The following RAB3GAP2 variants were observed in gnomAD, a reference collection of about 807,000 sequenced individuals.
RAB3GAP2 encodes rab3 GTPase-activating protein non-catalytic subunit.
A neutral mutation model predicts 185.3 loss-of-function variants in RAB3GAP2; 87 were observed. The observed-to-expected ratio is 0.47, with a 90% CI of 0.39 to 0.56. The LOEUF is 0.56. Ranked by LOEUF, RAB3GAP2 falls within the 20% of genes least tolerant of loss-of-function variation. The pLI, the probability that RAB3GAP2 is intolerant of heterozygous loss-of-function variation, is 0.00. For synonymous variants in RAB3GAP2, 554 were observed against 576.1 expected, an observed-to-expected ratio of 0.96 and a Z score of 0.55; for missense variants, 1,492 against 1,638.2, an observed-to-expected ratio of 0.91 and a Z score of 1.54.
intron 2 of RAB3GAP2, among the ~76,000 whole-genome samples, chr1:220,218,481 T>C (rs192858525): frequency 6.6e-6 from 1 of 152,190 alleles, no homozygotes; most frequent in East Asian, 1.9e-4. Flanking sequence ...GAGCAAACTA[T>C]CGCAAGGACA....
intron 18 of RAB3GAP2, among the ~76,000 whole-genome samples, chr1:220,185,092 G>A (rs1350672869): frequency 6.6e-6 from 1 of 152,082 alleles, no homozygotes; most frequent in Non-Finnish European, 1.5e-5. Flanking sequence ...CAATTTAACT[G>A]ATGTTAGGAA....
intron 2 of RAB3GAP2, chr1:220,219,323 T>C (rs1353235880): frequency 3.3e-5 from 5 of 152,216 alleles, no homozygotes; most frequent in Non-Finnish European, 7.3e-5. Context: ...ACTACAGGGA[T>C]CATTTGAGTG....
chr1:220,185,893 T>C (rs1202841756), intron 17 of RAB3GAP2, 152 bp from the exon 18 acceptor site: 1 of 633,122 alleles, frequency 1.6e-6, no homozygotes, highest in Non-Finnish European at 2.8e-6. Context: ...AAATCTCAAG[T>C]TGCGTTGTTA....
chr1:220,210,784 T>C lies in RAB3GAP2; in HGVS notation c.510+17A>G, dbSNP rs371736709. 47 of 1,609,344 alleles carry C rather than the reference T, an allele frequency of 2.9e-5. No individual in the cohort carries two copies. Among genetic ancestry groups the C allele is most frequent in the Middle Eastern group, 1.6e-4 (1 of 6,080 alleles). On this transcript the variant is annotated intron_variant, in intron 6 of 34. Coordinates refer to ENST00000358951, the MANE Select transcript of RAB3GAP2 (RefSeq NM_012414.4). ...GCAGTCAACTAGTGTTTTCCAGCTG[T>C]TGAAAACTCAACTCACCTCAGTGTA...
Position 220,171,915 on chromosome 1 carries a change from T to C in RAB3GAP2, c.2551A>G (p.Ile851Val), listed in dbSNP as rs544142650. 2.5e-6 allele frequency: 4 copies of C among 1,614,208 alleles called. No individual in the cohort carries two copies. Among genetic ancestry groups the C allele is most frequent in the Non-Finnish European group, 3.4e-6 (4 of 1,180,036 alleles). ...TTTTTCTCTGTCATGTTGTTTGATA[T>C]CTGTGCAGCAACAGAATGCCCAACA... ...AHVGHSVAAQISNNMTEKKFS... is the reference protein window; with the variant it reads ...AHVGHSVAAQVSNNMTEKKFS... Residue 851 changes from isoleucine (I) to valine (V), a missense_variant, in exon 23 of 35, where the codon ATA (isoleucine) becomes GTA (valine). By Grantham distance (29) the Ile-to-Val change is conservative. Around this residue, in one of 5 missense-constraint regions of RAB3GAP2, gnomAD observed 681 missense variants for 689.1 expected, o/e 0.99. Coordinates refer to ENST00000358951, the MANE Select transcript of RAB3GAP2 (RefSeq NM_012414.4).
intron 1 of RAB3GAP2, among the ~76,000 whole-genome samples, chr1:220,239,224 C>CT (rs975031582): frequency 1.3e-5 from 2 of 151,322 alleles, no homozygotes; most frequent in Non-Finnish European, 1.5e-5. Flanking sequence ...TTTCAAACAA[C>CT]TTTTTTTTTG....
chr1:220,158,007 G>C lies in RAB3GAP2; in HGVS notation c.3262-131C>G, dbSNP rs1438575539. The C allele has an allele frequency of 1.6e-5, 12 of 733,286 alleles. No individual in the cohort carries two copies. Among genetic ancestry groups the C allele is most frequent in the South Asian group, 1.1e-4 (7 of 65,284 alleles). The allele number at this position is 733,286 out of a possible 1,614,324, so 45.4% of individuals were successfully genotyped here. The stretch of plus-strand genomic sequence containing the variant: ...ACACTGAATAGACAGGCAAGAATTT[G>C]AAAGTCAAGGCATTAGCATATTTAA... On this transcript the variant is annotated intron_variant, in intron 29 of 34. Transcript: ENST00000358951. The surrounding 1 kb of genome is among the most constrained non-coding windows in gnomAD (Gnocchi z 4.3).
At chr1:220,198,368 C>T (rs959780913) in intron 9 of RAB3GAP2, among the ~76,000 whole-genome samples, 7 of 152,162 alleles carry the variant, frequency 4.6e-5, no homozygotes, top group Admixed American at 1.3e-4. Flanking sequence ...CATCCTCGAT[C>T]CTTTGAAATC....
At chr1:220,230,818 A>G (rs923291031) in intron 2 of RAB3GAP2, among the ~76,000 whole-genome samples, 2 of 152,142 alleles carry the variant, frequency 1.3e-5, no homozygotes, top group Admixed American at 6.6e-5. Flanking sequence ...TGTTTTATCT[A>G]TTTCACACCA....
intron 8 of RAB3GAP2, among the ~76,000 whole-genome samples, chr1:220,204,743 C>A (rs371784038): frequency 5.6e-5 from 7 of 125,256 alleles, no homozygotes; most frequent in Non-Finnish European, 8.3e-5. Flanking sequence ...CCCCTCCCCC[C>A]ACCCCACAAC....
At chr1:220,205,649 G>T (rs1006676765) in intron 8 of RAB3GAP2, among the ~76,000 whole-genome samples, 1 of 152,156 alleles carries the variant, frequency 6.6e-6, no homozygotes, top group Non-Finnish European at 1.5e-5. Flanking sequence ...TGCTGAATTC[G>T]TGAAGAAAGC....
intron 1 of RAB3GAP2, among the ~76,000 whole-genome samples, chr1:220,249,800 T>G (rs1022006527): frequency 6.6e-6 from 1 of 152,212 alleles, no homozygotes; most frequent in Admixed American, 6.5e-5. Context: ...GCTTAGGCCA[T>G]TGCTTCAGAG....
intron 11 of RAB3GAP2, 42 bp downstream of exon 11, chr1:220,195,256 A>T: frequency 6.3e-7 from 1 of 1,588,724 alleles, no homozygotes; most frequent in Non-Finnish European, 8.6e-7. Flanking sequence ...AGCAAGCTAG[A>T]TACAAATGAG....
intron 1 of RAB3GAP2, chr1:220,254,364 A>G: frequency 6.2e-7 from 1 of 1,613,368 alleles, no homozygotes; most frequent in Non-Finnish European, 8.5e-7. Context: ...ATCTCCTGAG[A>G]TTATTTGTAC....
At chr1:220,189,550 T>G (rs1029522201) in intron 17 of RAB3GAP2, among the ~76,000 whole-genome samples, 153 bp downstream of exon 17, 9 of 151,488 alleles carry the variant, frequency 5.9e-5, no homozygotes, top group Non-Finnish European at 1.0e-4. Flanking sequence ...CAACAGGAAC[T>G]TCTATCTGAA....
In RAB3GAP2 at chr1:220,153,403, A is replaced by T; in HGVS notation, c.3649T>A (p.Leu1217Ile). 1.2e-6 allele frequency: 2 copies of T among 1,613,492 alleles called. No individual in the cohort carries two copies. Among genetic ancestry groups the T allele is most frequent in the South Asian group, 2.2e-5 (2 of 91,072 alleles). Residue 1217 changes from leucine (L) to isoleucine (I), a missense_variant, in exon 33 of 35, where the codon TTA (leucine) becomes ATA (isoleucine). By Grantham distance (5) the Leu-to-Ile change is conservative (BLOSUM62 2). This residue lies in a region of RAB3GAP2 where 387 missense variants were observed against 455.3 expected (regional missense o/e 0.85). Transcript: ENST00000358951. The part of the protein sequence containing the change: ...PNFISVRQQF[L>I]LKVVSAAVQA... The stretch of plus-strand genomic sequence containing the variant: ...ACAGCTGCACTGACAACTTTCAATA[A>T]GAACTTGAAAATGGAGAAAGAGATA...
intron 3 of RAB3GAP2, 141 bp from the exon 4 acceptor site, chr1:220,213,109 G>T: frequency 3.4e-6 from 2 of 593,548 alleles, no homozygotes; most frequent in Non-Finnish European, 5.9e-6. Context: ...CTTTTTTATA[G>T]GTAAATATAA....
intron 2 of RAB3GAP2, among the ~76,000 whole-genome samples, chr1:220,216,303 G>C (rs904578379): frequency 1.3e-5 from 2 of 152,156 alleles, no homozygotes; most frequent in African/African-American, 4.8e-5. Context: ...TCTGTATCTA[G>C]CTTGTTGTTT....
intron 34 of RAB3GAP2, 68 bp from the exon 35 acceptor site, chr1:220,151,474 T>C (rs1330682762): frequency 2.4e-5 from 39 of 1,605,990 alleles, no homozygotes; most frequent in Non-Finnish European, 3.2e-5. Context: ...ACTTAAGAGT[T>C]ATTACATAAA....
Sources: gnomAD v4.1 joint callset for allele counts (sites outside exome capture counted in the v4.1 genomes callset) on GRCh38, gnomAD v4.1.1 for gene constraint, gnomAD v4.1.1 regional missense constraint, Gnocchi (gnomAD v3.1) non-coding constraint, MANE v1.5 for transcripts, NCBI Gene and HGNC (gene_info 2026-07-23, HGNC 2026-07-21) for gene names.